Variants in AP2A1 observed in about 807,000 individuals in gnomAD.
The protein encoded by AP2A1 is adaptor related protein complex 2 subunit alpha 1.
Under a neutral mutation model 107.3 loss-of-function variants are expected in AP2A1, and 21 were observed. The observed-to-expected ratio is 0.20, with a 90% confidence interval of 0.14 to 0.28. The LOEUF (loss-of-function observed/expected upper bound fraction) is 0.28. AP2A1 is among the 10% of genes least tolerant of loss of function. The probability of loss-of-function intolerance (pLI) is 1.00; values close to 1 mark genes in which losing one functional copy is unlikely to be tolerated. For missense variants in AP2A1, 873 were observed against 1,307.7 expected (o/e 0.67, Z 5.13); for synonymous variants, 602 against 564.8 (o/e 1.07, Z -0.93).
intron 4 of AP2A1, 72 bp downstream of exon 4, chr19:49,782,796 A>G: frequency 6.8e-7 from 1 of 1,470,020 alleles, no homozygotes; most frequent in Non-Finnish European, 9.1e-7. Context: ...TGAGGCTCAG[A>G]GAGGCTCTGT....
chr19:49,781,692 GAA>G, intron 1 of AP2A1, 63 bp from the exon 2 acceptor site: 1 of 1,503,620 alleles, frequency 6.7e-7, no homozygotes, highest in Non-Finnish European at 9.1e-7. Flanking sequence ...CCGCGCCTAG[GAA>G]AGAGAGGGCA....
chr19:49,794,670 CT>C (rs1278893434), intron 6 of AP2A1, among the ~76,000 whole-genome samples: 5 of 151,194 alleles, frequency 3.3e-5, no homozygotes, highest in Admixed American at 2.6e-4. Flanking sequence ...CATGATCTTT[CT>C]TTTTTTTTGA....
chr19:49,779,775 G>A (rs1013320866), intron 1 of AP2A1, among the ~76,000 whole-genome samples: 7 of 152,100 alleles, frequency 4.6e-5, no homozygotes, highest in South Asian at 2.1e-4. Context: ...TCTAAATCCC[G>A]TGTATGTTTG....
At chr19:49,781,856 G>A (rs1369741842) in intron 2 of AP2A1, 31 bp downstream of exon 2, 5 of 1,610,198 alleles carry the variant, frequency 3.1e-6, no homozygotes, top group Admixed American at 1.7e-5. Flanking sequence ...CTGGTTCTGA[G>A]GGAGGAGGGG....
chr19:49,775,584 G>C (rs1395583606), intron 1 of AP2A1, among the ~76,000 whole-genome samples: 1 of 152,154 alleles, frequency 6.6e-6, no homozygotes, highest in Non-Finnish European at 1.5e-5. Context: ...CAAAGTGCTG[G>C]GATTACAGGT....
chr19:49,780,208 G>T (rs2084659736), intron 1 of AP2A1, among the ~76,000 whole-genome samples: 1 of 152,230 alleles, frequency 6.6e-6, no homozygotes, highest in South Asian at 2.1e-4. Flanking sequence ...GAAGTGGGAG[G>T]AAGTTCGACA....
At position 49,795,757 on chromosome 19, in the gene AP2A1, T is replaced by C; in HGVS notation, c.814+19T>C. The C allele has an allele frequency of 6.6e-7, 1 of 1,515,924 alleles. No individual in the cohort carries two copies. The highest frequency in any genetic ancestry group is 8.9e-7 in the Non-Finnish European group (1 of 1,119,152). 93.9% of individuals were successfully genotyped at this position (1,515,924 alleles called of 1,614,324 possible). A position where few individuals can be genotyped will look rare whatever the true frequency, so the allele number is the denominator to read the frequency against. ...CCTCCAGGTAATGAACGCCGTGCAC[T>C]CCCCAACCCGGGGTGGCCTGCTGCT... On this transcript the variant is annotated intron_variant, in intron 7 of 22. Coordinates refer to ENST00000354293, the MANE Select transcript of AP2A1 (RefSeq NM_130787.3).
At chr19:49,794,568 A>G (rs1438488727) in intron 6 of AP2A1, among the ~76,000 whole-genome samples, 3 of 152,174 alleles carry the variant, frequency 2.0e-5, no homozygotes, top group East Asian at 1.9e-4. Context: ...ACAGTGAGGT[A>G]GGAACACAGA....
chr19:49,784,320 T>C (rs1186658347), intron 4 of AP2A1, among the ~76,000 whole-genome samples: 2 of 151,664 alleles, frequency 1.3e-5, no homozygotes, highest in Non-Finnish European at 2.9e-5. Flanking sequence ...CCAGCTCCTC[T>C]GGAGGCTGAG....
chr19:49,795,566 G>A lies in AP2A1; in HGVS notation c.706-64G>A. On this transcript the variant is annotated intron_variant, in intron 6 of 22. Transcript: ENST00000354293. ...GGAAGGCACCATTTGCTCCACCCTG[G>A]CATGTGGACCCACGTGCCCCTCCCA... The A allele has an allele frequency of 7.3e-6, 8 of 1,089,384 alleles. No homozygotes were observed. In the South Asian group the frequency reaches 1.1e-4, roughly 15 times the overall value. 67.5% of individuals were successfully genotyped at this position (1,089,384 alleles called of 1,614,324 possible).
chr19:49,782,348 C>T (rs1261063456), intron 3 of AP2A1, among the ~76,000 whole-genome samples, 183 bp from the exon 4 acceptor site: 3 of 140,412 alleles, frequency 2.1e-5, no homozygotes, highest in Non-Finnish European at 3.1e-5. Context: ...GGCCTGGACT[C>T]GTGGGTCTGA....
chr19:49,787,347 G>GTTTTTTTT (rs199550216), intron 4 of AP2A1, among the ~76,000 whole-genome samples: 14 of 96,182 alleles, frequency 1.5e-4, no homozygotes, highest in African/African-American at 4.9e-4. Context: ...TGTTTTTTTT[G>GTTTTTTTT]TTTTTTGTTT....
At chr19:49,769,873 G>C (rs1316048366) in intron 1 of AP2A1, among the ~76,000 whole-genome samples, 2 of 151,890 alleles carry the variant, frequency 1.3e-5, no homozygotes, top group African/African-American at 4.8e-5. Context: ...GAAATGGGTT[G>C]GTGATACATT....
At chr19:49,792,124 C>G (rs1229533393) in intron 5 of AP2A1, 60 bp downstream of exon 5, 2 of 1,569,208 alleles carry the variant, frequency 1.3e-6, no homozygotes, top group African/African-American at 1.4e-5. Context: ...CCCTGACCCC[C>G]CTGGATGCCC....
chr19:49,772,263 T>G (rs199577055), intron 1 of AP2A1, among the ~76,000 whole-genome samples: 70 of 108,328 alleles, frequency 6.5e-4, no homozygotes, highest in South Asian at 1.9e-3. Flanking sequence ...TTTTTTTTTT[T>G]TTTTTTTTTT....
rs189878631 is a variant in AP2A1, at chr19:49,795,650, C to T, written c.726C>T (p.Thr242=). 134 of 1,569,674 alleles carry T rather than the reference C, an allele frequency of 8.5e-5. 1 individual carries two copies. Among genetic ancestry groups the T allele is most frequent in the Non-Finnish European group, 1.1e-4 (129 of 1,157,664 alleles). ...RLSRIVSSAS[T]DLQDYTYYFV... Reference sequence around the variant, plus strand: ...GCCAGATCGTCTCCTCTGCCTCCACCGACCTCCAGGACTACACCTACTACT... The same window carrying T: ...GCCAGATCGTCTCCTCTGCCTCCACTGACCTCCAGGACTACACCTACTACT... The change falls in exon 7 of 23, where the codon ACC becomes ACT. Residue 242 remains threonine, a synonymous_variant. Coordinates refer to ENST00000354293, the MANE Select transcript of AP2A1 (RefSeq NM_130787.3).
chr19:49,779,100 G>T (rs538948384), intron 1 of AP2A1, among the ~76,000 whole-genome samples: 122 of 151,756 alleles, frequency 8.0e-4, no homozygotes, highest in African/African-American at 2.9e-3. Flanking sequence ...ACTTTGAGAG[G>T]CCAATGTGGG....
At chr19:49,794,406 C>T (rs781764533) in intron 6 of AP2A1, among the ~76,000 whole-genome samples, 2 of 151,374 alleles carry the variant, frequency 1.3e-5, no homozygotes, top group African/African-American at 4.9e-5. Flanking sequence ...CTTGCTTTGT[C>T]GCCCACACTG....
intron 7 of AP2A1, chr19:49,797,006 GGGACA>G (rs2073222067): frequency 6.6e-6 from 1 of 152,198 alleles, no homozygotes; most frequent in Non-Finnish European, 1.5e-5. Flanking sequence ...TGTGGCCCTG[GGGACA>G]TGTCTTCCTT....
Sources: gnomAD v4.1 joint callset for allele counts (sites outside exome capture counted in the v4.1 genomes callset) on GRCh38, gnomAD v4.1.1 for gene constraint, MANE v1.5 for transcripts, NCBI Gene and HGNC (gene_info 2026-07-23, HGNC 2026-07-21) for gene names.